PLCXD2: variants seen among roughly 807,000 people sequenced by gnomAD.
The protein encoded by PLCXD2 is PI-PLC X domain-containing protein 2.
PLCXD2 carries 21 observed loss-of-function variants against 28.6 expected under a neutral mutation model. The ratio of observed to expected loss-of-function variants is 0.73; its 90% CI spans 0.52 to 1.06. PLCXD2 has a LOEUF of 1.06. PLCXD2 is among the 50% of genes least tolerant of loss of function. The pLI, the probability that PLCXD2 is intolerant of heterozygous loss-of-function variation, is 0.00. For synonymous variants in PLCXD2, 140 were observed against 150.1 expected (o/e 0.93, Z 0.49); for missense variants, 369 against 376.7 (o/e 0.98, Z 0.17).
intron 3 of PLCXD2, chr3:111,724,616 G>A (rs550257531): frequency 5.9e-5 from 9 of 152,270 alleles, no homozygotes; most frequent in African/African-American, 2.2e-4. Context: ...AATGCTAAAG[G>A]TGGAGCAACA....
chr3:111,674,987 C>A lies in PLCXD2; in HGVS notation c.-259C>A. 1 of 453,460 alleles carries A rather than the reference C, an allele frequency of 2.2e-6. No homozygotes were observed. The highest frequency in any genetic ancestry group is 3.9e-6 in the Non-Finnish European group (1 of 256,222). 28.1% of individuals were successfully genotyped at this position (453,460 alleles called of 1,614,324 possible). On this transcript the variant is annotated 5_prime_UTR_variant, in exon 1 of 5. Coordinates refer to ENST00000477665, the MANE Select transcript of PLCXD2 (RefSeq NM_001185106.1). ...CTAGGGGCCTACCTTCCCCCATCTC[C>A]AGAGGGGAACATAAGAAGTTTAACG...
At chr3:111,700,225 A>T (rs1559794806) in intron 1 of PLCXD2, among the ~76,000 whole-genome samples, 1 of 152,196 alleles carries the variant, frequency 6.6e-6, no homozygotes, top group African/African-American at 2.4e-5. Context: ...TTTACATTAT[A>T]AAGTGCTTTC....
Position 111,675,367 on chromosome 3 carries a change from C to T in PLCXD2, c.122C>T (p.Pro41Leu), listed in dbSNP as rs772539605. ...GCCGACTGGATGGCCTCGCTCCCCC[C>T]TCACCTCCACAACCTCCCCCTTTCC... The change falls in exon 1 of 5, where the codon CCT (proline) becomes CTT (leucine). Residue 41 changes from proline (P) to leucine (L), a missense_variant. Transcript: ENST00000477665. The T allele has an allele frequency of 3.7e-6, 6 of 1,614,072 alleles. No homozygotes were observed. Among genetic ancestry groups the T allele is most frequent in the Non-Finnish European group, 4.2e-6 (5 of 1,180,044 alleles).
intron 1 of PLCXD2, chr3:111,677,088 C>G (rs1204424989): frequency 6.6e-6 from 1 of 152,146 alleles, no homozygotes; most frequent in African/African-American, 2.4e-5. Flanking sequence ...TGATTAGCCA[C>G]CATGGAGATC....
intron 1 of PLCXD2, among the ~76,000 whole-genome samples, chr3:111,700,363 A>G (rs947414678): frequency 1.3e-5 from 2 of 152,244 alleles, no homozygotes; most frequent in Non-Finnish European, 1.5e-5. Context: ...GATTAGAGAA[A>G]AGTCAATTTC....
chr3:111,686,208 T>C (rs2107843008), intron 1 of PLCXD2, among the ~76,000 whole-genome samples: 1 of 152,318 alleles, frequency 6.6e-6, no homozygotes, highest in Middle Eastern at 3.4e-3. Flanking sequence ...TTCAATTATC[T>C]CTGAGCTCAT....
intron 1 of PLCXD2, among the ~76,000 whole-genome samples, chr3:111,695,604 G>T (rs1940949838): frequency 6.6e-6 from 1 of 152,210 alleles, no homozygotes; most frequent in South Asian, 2.1e-4. Flanking sequence ...TCAGTTTGTA[G>T]AAAACATACA....
intron 1 of PLCXD2, among the ~76,000 whole-genome samples, chr3:111,696,050 G>A (rs1272058177): frequency 6.6e-6 from 1 of 152,218 alleles, no homozygotes; most frequent in African/African-American, 2.4e-5. Context: ...TGGCAGTGAT[G>A]AGGGAGGAGG....
intron 1 of PLCXD2, among the ~76,000 whole-genome samples, chr3:111,696,926 A>G (rs1206676958): frequency 6.6e-6 from 1 of 152,214 alleles, no homozygotes; most frequent in Non-Finnish European, 1.5e-5. Context: ...ATTAGTAAAC[A>G]TATTTCCAAA....
chr3:111,694,430 C>A (rs900996199), intron 1 of PLCXD2, among the ~76,000 whole-genome samples: 3 of 151,550 alleles, frequency 2.0e-5, no homozygotes, highest in Non-Finnish European at 4.4e-5. Context: ...ATCGCATGTT[C>A]ATTTTCAAGA....
intron 3 of PLCXD2, among the ~76,000 whole-genome samples, chr3:111,719,069 C>G (rs1177162347): frequency 6.6e-6 from 1 of 152,134 alleles, no homozygotes; most frequent in Admixed American, 6.5e-5. Flanking sequence ...TAAGCCTTGA[C>G]CTCCTACTTT....
At chr3:111,699,630 T>A (rs1175955668) in intron 1 of PLCXD2, among the ~76,000 whole-genome samples, 9 of 152,150 alleles carry the variant, frequency 5.9e-5, no homozygotes, top group Admixed American at 5.9e-4. Flanking sequence ...ACTATAACAC[T>A]GAGTAAAAAT....
chr3:111,683,398 T>C (rs975657533), intron 1 of PLCXD2, among the ~76,000 whole-genome samples: 1 of 152,164 alleles, frequency 6.6e-6, no homozygotes, highest in East Asian at 1.9e-4. Context: ...TATATGCCCA[T>C]GCCAAGATTG....
intron 3 of PLCXD2, chr3:111,721,068 G>T: frequency 2.7e-6 from 1 of 368,864 alleles, no homozygotes; most frequent in South Asian, 1.5e-4. Flanking sequence ...TTTCCCAAAT[G>T]AGACTTTTTT....
At chr3:111,708,490 A>G in intron 2 of PLCXD2, 104 bp downstream of exon 2, 2 of 1,098,258 alleles carry the variant, frequency 1.8e-6, no homozygotes, top group Non-Finnish European at 2.6e-6. Context: ...CTCTTAGGCT[A>G]AAGAGTGGAT....
chr3:111,685,248 T>C (rs1430498571), intron 1 of PLCXD2, among the ~76,000 whole-genome samples: 1 of 152,242 alleles, frequency 6.6e-6, no homozygotes, highest in East Asian at 1.9e-4. Flanking sequence ...TTAGATTATA[T>C]ATTTTAGATT....
chr3:111,713,887 GTTC>G lies in PLCXD2; in HGVS notation c.628_630del (p.Leu210del). 6.2e-7 allele frequency: 1 copy of G among 1,610,376 alleles called. No homozygotes were observed. Among genetic ancestry groups the G allele is most frequent in the Non-Finnish European group, 8.5e-7 (1 of 1,177,248 alleles). On this transcript the variant is annotated inframe_deletion and splice_region_variant, in exon 3 of 5. Coordinates refer to ENST00000477665, the MANE Select transcript of PLCXD2 (RefSeq NM_001185106.1). ...CCTTTTTGTGTTTTGAATATTTCAG[GTTC>G]TTATTTTCTACCACTGTCCCTTCTA...
At chr3:111,694,056 A>G (rs913125290) in intron 1 of PLCXD2, among the ~76,000 whole-genome samples, 2 of 152,244 alleles carry the variant, frequency 1.3e-5, no homozygotes, top group African/African-American at 2.4e-5. Context: ...TGTAGAAGTG[A>G]AAGTATACTG....
At chr3:111,705,437 T>C (rs1457640796) in intron 1 of PLCXD2, among the ~76,000 whole-genome samples, 2 of 152,224 alleles carry the variant, frequency 1.3e-5, no homozygotes, top group Non-Finnish European at 2.9e-5. Flanking sequence ...TGATTTCATA[T>C]CTTCACTATT....
Sources: gnomAD v4.1 joint callset for allele counts (sites outside exome capture counted in the v4.1 genomes callset) on GRCh38, gnomAD v4.1.1 for gene constraint, MANE v1.5 for transcripts, NCBI Gene and HGNC (gene_info 2026-07-23, HGNC 2026-07-21) for gene names.